Variants in AGAP6 observed in about 807,000 individuals in gnomAD.
AGAP6 encodes arf-GAP with GTPase, ANK repeat and PH domain-containing protein 6.
Under a neutral mutation model 63.9 loss-of-function variants are expected in AGAP6, and 29 were observed. The observed-to-expected ratio is 0.45, with a 90% CI of 0.34 to 0.62. AGAP6 has a LOEUF of 0.62. AGAP6 is among the 20% of genes least tolerant of loss of function. AGAP6 has a pLI of 0.01. For missense variants in AGAP6, 493 were observed against 884.9 expected (o/e 0.56, Z 5.62); for synonymous variants, 199 against 332.9 (o/e 0.60, Z 4.38).
chr10:49,996,849 G>T (rs1841510757), intron 4 of AGAP6, among the ~76,000 whole-genome samples: 2 of 151,332 alleles, frequency 1.3e-5, no homozygotes, highest in African/African-American at 4.9e-5. Context: ...TTGTGTTCCA[G>T]TCACTTTCTG....
In AGAP6 at chr10:50,001,863, T is replaced by C. The variant is rs1841724564; in HGVS notation, c.397-133T>C. The C allele has an allele frequency of 4.8e-6, 4 of 827,654 alleles. 1 individual carries two copies. The Admixed American group carries it at 1.2e-4, about 24-fold the overall frequency. 51.3% of individuals were successfully genotyped at this position (827,654 alleles called of 1,614,324 possible). ...TTGAGAGCCTCCAATGGGTTTTCTA[T>C]AGAGTGCACATGATACCACACTCAG... is the stretch of plus-strand genomic sequence containing the variant. On this transcript the variant is annotated intron_variant, in intron 4 of 7. Transcript: ENST00000412531.
Position 50,008,038 on chromosome 10 carries a change from A to G in AGAP6, c.547A>G (p.Thr183Ala). The stretch of plus-strand genomic sequence containing the variant: ...CTTATTTTATAGAGATGCAGATAGA[A>G]CTTTGAGCATACCTGATGAACAGTT... ...HHITQRDADR[T>A]LSIPDEQLHS... Residue 183 changes from threonine to alanine, a missense_variant, in exon 7 of 8, where the codon ACT becomes GCT. This residue lies in a region of AGAP6 where 342 missense variants were observed against 533.4 expected (regional missense o/e 0.64). Transcript: ENST00000412531. 6.2e-7 allele frequency: 1 copy of G among 1,611,776 alleles called. No homozygotes were observed. The highest frequency in any genetic ancestry group is 8.5e-7 in the Non-Finnish European group (1 of 1,179,760).
intron 4 of AGAP6, among the ~76,000 whole-genome samples, chr10:49,997,991 CATAT>C (rs4043250): frequency 0.014 from 1,742 of 123,916 alleles, 177 homozygotes; most frequent in Non-Finnish European, 0.016. Flanking sequence ...TGGAATTCCT[CATAT>C]ATATATATAT....
intron 3 of AGAP6, 81 bp from the exon 4 acceptor site, chr10:49,994,313 AG>A: frequency 1.5e-6 from 2 of 1,376,182 alleles, no homozygotes; most frequent in Non-Finnish European, 1.9e-6. Flanking sequence ...TTTACGTAGG[AG>A]TAATCAGTAA....
chr10:49,995,065 T>G (rs1246416815), intron 4 of AGAP6, among the ~76,000 whole-genome samples: 1 of 152,122 alleles, frequency 6.6e-6, no homozygotes, highest in East Asian at 1.9e-4. Flanking sequence ...GTCTATTGAC[T>G]TTCTATCACA....
At chr10:49,995,541 T>C (rs1554861761) in intron 4 of AGAP6, among the ~76,000 whole-genome samples, 2 of 152,234 alleles carry the variant, frequency 1.3e-5, no homozygotes, top group African/African-American at 4.8e-5. Context: ...TTTATGTGTG[T>C]GTGTGGGGCA....
At chr10:49,993,251 T>A (rs1277027982) in intron 3 of AGAP6, among the ~76,000 whole-genome samples, 1 of 152,152 alleles carries the variant, frequency 6.6e-6, no homozygotes, top group African/African-American at 2.4e-5. Flanking sequence ...CAGAATTGTA[T>A]TTCCCAGTTC....
In AGAP6 at chr10:50,002,059, A is replaced by G. The variant is rs1554863017; in HGVS notation, c.460A>G (p.Thr154Ala). ...LCSTIFLDDS[T>A]AIQHYLTMTI... ...TTCGACAATATTCCTTGATGACAGCACAGCCATCCAGCATTATCTTACAAT... is the reference window on the plus strand; with the variant it reads ...TTCGACAATATTCCTTGATGACAGCGCAGCCATCCAGCATTATCTTACAAT... Residue 154 changes from threonine to alanine, a missense_variant, in exon 5 of 8, where the codon ACA becomes GCA. Thr to Ala is a moderately conservative substitution (Grantham distance 58, BLOSUM62 0). This residue lies in a region of AGAP6 where 342 missense variants were observed against 533.4 expected (regional missense o/e 0.64). Transcript: ENST00000412531. 1.2e-6 allele frequency: 2 copies of G among 1,611,708 alleles called. No homozygotes were observed.
rs1464084595 is a variant in AGAP6 at position 50,010,306 on chromosome 10, T to C, written c.*120T>C. On this transcript the variant is annotated 3_prime_UTR_variant, in exon 8 of 8. Transcript: ENST00000412531. The stretch of plus-strand genomic sequence containing the variant: ...CTAATATTAGCATTTTCAGTACTTT[T>C]CGTAAACTAAGTAAATACACAAAAT... The C allele has an allele frequency of 1.3e-6, 2 of 1,590,468 alleles. No homozygotes were observed. Among genetic ancestry groups the C allele is most frequent in the African/African-American group, 1.3e-5 (1 of 74,374 alleles).
chr10:50,009,102 T>G lies in AGAP6; in HGVS notation c.977T>G (p.Ile326Ser), dbSNP rs1333257092. 3 of 1,613,558 alleles carry G rather than the reference T, an allele frequency of 1.9e-6. No homozygotes were observed. The highest frequency in any genetic ancestry group is 2.5e-6 in the Non-Finnish European group (3 of 1,179,944). Residue 326 changes from isoleucine to serine, a missense_variant, in exon 8 of 8, where the codon ATT becomes AGT. This residue lies in a region of AGAP6 where 342 missense variants were observed against 533.4 expected (regional missense o/e 0.64). Transcript: ENST00000412531. ...YSSLGDYMKN[I>S]HKKEIDLQTS... ...AGCTTAGGTGATTATATGAAGAATA[T>G]TCATAAAAAAGAGATTGACCTTCAG...
intron 3 of AGAP6, among the ~76,000 whole-genome samples, chr10:49,993,406 A>G (rs1841359152): frequency 6.6e-6 from 1 of 152,138 alleles, no homozygotes; most frequent in Non-Finnish European, 1.5e-5. Context: ...TAGGAAGCAA[A>G]GCATGGCCCA....
At chr10:50,007,898 A>G in intron 6 of AGAP6, 127 bp from the exon 7 acceptor site, 1 of 1,559,304 alleles carries the variant, frequency 6.4e-7, no homozygotes, top group East Asian at 2.3e-5. Context: ...AGGATCCAAT[A>G]GAAGAATTCA....
intron 6 of AGAP6, 52 bp from the exon 7 acceptor site, chr10:50,007,973 T>C: frequency 6.2e-7 from 1 of 1,611,176 alleles, no homozygotes; most frequent in Non-Finnish European, 8.5e-7. Flanking sequence ...TAAACAAATA[T>C]TATACTAAGA....
intron 4 of AGAP6, among the ~76,000 whole-genome samples, chr10:49,996,254 T>G (rs576716380): frequency 8.4e-4 from 128 of 152,272 alleles, no homozygotes; most frequent in Non-Finnish European, 1.5e-3. Flanking sequence ...TTTTTTAAAG[T>G]TTTGCTCCTG....
intron 2 of AGAP6, among the ~76,000 whole-genome samples, chr10:49,990,760 T>C (rs1841240544): frequency 6.6e-6 from 1 of 152,196 alleles, no homozygotes; most frequent in Non-Finnish European, 1.5e-5. Flanking sequence ...TTGGTCGGGC[T>C]CTTAATTTTT....
intron 6 of AGAP6, among the ~76,000 whole-genome samples, chr10:50,005,610 A>G (rs1196482225): frequency 6.9e-6 from 1 of 144,592 alleles, no homozygotes; most frequent in Non-Finnish European, 1.5e-5. Flanking sequence ...GACTCTGTCT[A>G]AACAAACAAA....
intron 2 of AGAP6, among the ~76,000 whole-genome samples, chr10:49,990,751 T>G (rs1196076598): frequency 5.3e-5 from 8 of 152,354 alleles, no homozygotes; most frequent in Non-Finnish European, 1.0e-4. Context: ...ATTTAAACTT[T>G]GGTCGGGCTC....
rs1439393739 is a variant in AGAP6 at position 50,009,280 on chromosome 10, C to T, written c.1155C>T (p.Thr385=). 1 of 1,614,076 alleles carries T rather than the reference C, an allele frequency of 6.2e-7. No individual in the cohort carries two copies. The highest frequency in any genetic ancestry group is 1.3e-5 in the African/African-American group (1 of 74,924). Residue 385 remains threonine (T), a synonymous_variant, in exon 8 of 8, where the codon ACC becomes ACT. Coordinates refer to ENST00000412531, the MANE Select transcript of AGAP6 (RefSeq NM_001077665.3). ...ICFSPSISST[T]SPKLNPPPSP... ...TCAGCCCCAGTATCTCCAGCACCACCAGCCCCAAGCTCAACCCGCCCCCCT... is the reference window on the plus strand; with the variant it reads ...TCAGCCCCAGTATCTCCAGCACCACTAGCCCCAAGCTCAACCCGCCCCCCT...
At chr10:49,996,245 T>C (rs1310756625) in intron 4 of AGAP6, among the ~76,000 whole-genome samples, 2 of 152,200 alleles carry the variant, frequency 1.3e-5, no homozygotes, top group Admixed American at 6.5e-5. Flanking sequence ...TTAAGATTTT[T>C]TTTTAAAGTT....
Sources: allele counts gnomAD v4.1 joint callset (sites outside exome capture counted in the v4.1 genomes callset), GRCh38; gene constraint gnomAD v4.1.1; regional missense constraint gnomAD v4.1.1; transcripts MANE v1.5; gene names NCBI Gene and HGNC (gene_info 2026-07-23, HGNC 2026-07-21).